The following METAP1D variants were observed in gnomAD, a reference collection of about 807,000 sequenced individuals.
METAP1D encodes methionyl aminopeptidase type 1D, mitochondrial, also known as methionine aminopeptidase 1D, mitochondrial.
METAP1D carries 31 observed loss-of-function variants against 40.5 expected under a neutral mutation model. The ratio of observed to expected loss-of-function variants is 0.77; its 90% confidence interval spans 0.58 to 1.03. The LOEUF is 1.03. Among genes scored for constraint, METAP1D ranks in the 50% least tolerant of loss-of-function variants. The pLI is 0.00. For missense variants in METAP1D, 411 were observed against 420.7 expected, an observed-to-expected ratio of 0.98 and a Z score of 0.20; for synonymous variants, 151 against 146.4, an observed-to-expected ratio of 1.03 and a Z score of -0.22.
intron 1 of METAP1D, among the ~76,000 whole-genome samples, chr2:172,016,815 G>A (rs1182590366): frequency 6.6e-6 from 1 of 151,784 alleles, no homozygotes; most frequent in African/African-American, 2.4e-5. Flanking sequence ...CTGTCCACTG[G>A]CCTGCCCCTC....
At position 172,041,726 on chromosome 2, in the gene METAP1D, T is replaced by TTTATATATATATATA. The variant is rs1273069042; in HGVS notation, c.41-19771_41-19770insTATATATATATATAT. On this transcript the variant is annotated intron_variant, in intron 1 of 9. Transcript: ENST00000315796. ...TTTTAATTTCCTTACTCTAATTATT[T>TTTATATATATATATA]TATATATATATATATATATATATAT... Among the ~76,000 whole-genome samples, 43 of 37,568 alleles carry TTTATATATATATATA rather than the reference T, an allele frequency of 1.1e-3. 3 individuals are homozygous for TTTATATATATATATA. Among genetic ancestry groups the TTTATATATATATATA allele is most frequent in the Non-Finnish European group, 2.2e-3 (35 of 15,592 alleles). 24.6% of individuals were successfully genotyped at this position (37,568 alleles called of 152,430 possible). A position where few individuals can be genotyped will look rare whatever the true frequency, so the allele number is the denominator to read the frequency against.
At position 172,061,479 on chromosome 2, in the gene METAP1D, T is replaced by A. The variant is rs772581122; in HGVS notation, c.41-19T>A. ...TTAGGTTGTTTTTTTACTTAAAATA[T>A]GTCTGTTTCTGCTCACAGGTTCTCA... On this transcript the variant is annotated intron_variant, in intron 1 of 9. Coordinates refer to ENST00000315796, the MANE Select transcript of METAP1D (RefSeq NM_199227.3). The A allele has an allele frequency of 2.5e-6, 4 of 1,600,118 alleles. No individual in the cohort carries two copies. Among genetic ancestry groups the A allele is most frequent in the Non-Finnish European group, 3.4e-6 (4 of 1,174,282 alleles).
chr2:172,018,188 A>G (rs1674640445), intron 1 of METAP1D, among the ~76,000 whole-genome samples: 1 of 151,568 alleles, frequency 6.6e-6, no homozygotes, highest in Non-Finnish European at 1.5e-5. Context: ...AAAATATGAC[A>G]CGTATAAGGG....
At chr2:172,068,016 C>T (rs1574140527) in intron 5 of METAP1D, among the ~76,000 whole-genome samples, 1 of 152,272 alleles carries the variant, frequency 6.6e-6, no homozygotes, top group East Asian at 1.9e-4. Flanking sequence ...TTCCTTCCCC[C>T]CTTTAAAACT....
intron 2 of METAP1D, among the ~76,000 whole-genome samples, chr2:172,062,565 C>T (rs572992470): frequency 1.2e-4 from 19 of 152,344 alleles, no homozygotes; most frequent in African/African-American, 4.3e-4. Context: ...CTTCTGCCTG[C>T]AAGTTATAAC....
intron 6 of METAP1D, among the ~76,000 whole-genome samples, chr2:172,071,909 T>A (rs974944322): frequency 1.6e-4 from 24 of 152,212 alleles, no homozygotes; most frequent in African/African-American, 5.5e-4. Flanking sequence ...CCTTTTTTTC[T>A]TCGTAAGCCT....
intron 1 of METAP1D, among the ~76,000 whole-genome samples, chr2:172,002,240 G>A (rs939915100): frequency 6.6e-6 from 1 of 151,822 alleles, no homozygotes; most frequent in Non-Finnish European, 1.5e-5. Flanking sequence ...ACATACATAG[G>A]TGTATGTATG....
At chr2:172,045,614 T>C (rs1379824316) in intron 1 of METAP1D, among the ~76,000 whole-genome samples, 2 of 142,848 alleles carry the variant, frequency 1.4e-5, no homozygotes, top group East Asian at 4.1e-4. Flanking sequence ...TGAGCCGAGA[T>C]TGTGCCATTG....
chr2:172,073,734 A>G (rs1444022756), intron 6 of METAP1D, among the ~76,000 whole-genome samples: 1 of 152,244 alleles, frequency 6.6e-6, no homozygotes, highest in African/African-American at 2.4e-5. Context: ...TTAGGGGAAT[A>G]AGTAAACAAA....
intron 1 of METAP1D, among the ~76,000 whole-genome samples, chr2:172,037,410 GA>G (rs1050968593): frequency 1.3e-5 from 2 of 150,188 alleles, no homozygotes; most frequent in African/African-American, 2.5e-5. Flanking sequence ...CTAGAGACCA[GA>G]AAAAAAAATA....
intron 1 of METAP1D, among the ~76,000 whole-genome samples, chr2:172,006,627 A>G (rs1310985047): frequency 1.3e-5 from 2 of 152,216 alleles, no homozygotes; most frequent in Non-Finnish European, 2.9e-5. Flanking sequence ...AACAACATCT[A>G]GTTTTAAGCT....
At chr2:172,005,546 CT>C (rs373606194) in intron 1 of METAP1D, among the ~76,000 whole-genome samples, 44 of 74,926 alleles carry the variant, frequency 5.9e-4, no homozygotes, top group African/African-American at 1.6e-3. Flanking sequence ...ATATATATAT[CT>C]TTTTTTTTTT....
intron 1 of METAP1D, among the ~76,000 whole-genome samples, chr2:172,028,611 A>T (rs572156606): frequency 6.8e-6 from 1 of 147,526 alleles, no homozygotes; most frequent in East Asian, 2.0e-4. Flanking sequence ...TAGTGGTAAC[A>T]TGCTGTGTAT....
chr2:172,070,448 A>G (rs192138999), intron 5 of METAP1D, among the ~76,000 whole-genome samples: 2 of 152,302 alleles, frequency 1.3e-5, no homozygotes, highest in Admixed American at 6.5e-5. Flanking sequence ...TTGTCATTAT[A>G]TATCACTTCA....
intron 1 of METAP1D, among the ~76,000 whole-genome samples, chr2:172,049,494 TC>T: frequency 1.3e-5 from 2 of 152,000 alleles, no homozygotes. Flanking sequence ...TCTATGGAGC[TC>T]CCCTTTTAAG....
Position 171,999,981 on chromosome 2 carries a change from C to T in METAP1D, c.12C>T (p.Pro4=). 1 of 1,352,554 alleles carries T rather than the reference C, an allele frequency of 7.4e-7. No homozygotes were observed. The highest frequency in any genetic ancestry group is 9.6e-7 in the Non-Finnish European group (1 of 1,045,674). 83.8% of individuals were successfully genotyped at this position (1,352,554 alleles called of 1,614,324 possible). MAA[P]SGVHLLVRRG... ...TGACCGACGCCAACATGGCGGCGCC[C>T]AGTGGCGTCCACCTGCTCGTCCGCA... The change falls in exon 1 of 10, where the codon CCC becomes CCT. Residue 4 remains proline, a synonymous_variant. Coordinates refer to ENST00000315796, the MANE Select transcript of METAP1D (RefSeq NM_199227.3).
At chr2:172,065,070 A>G (rs1310545206) in intron 3 of METAP1D, among the ~76,000 whole-genome samples, 1 of 152,238 alleles carries the variant, frequency 6.6e-6, no homozygotes, top group Non-Finnish European at 1.5e-5. Context: ...CTTAAAATCA[A>G]ATCTCTACAA....
At chr2:172,064,139 T>C in intron 3 of METAP1D, 1 of 261,772 alleles carries the variant, frequency 3.8e-6, no homozygotes, top group Non-Finnish European at 7.0e-6. Flanking sequence ...CCTATCCAAG[T>C]TGATCAATGG....
At chr2:172,013,906 C>T (rs1688788806) in intron 1 of METAP1D, among the ~76,000 whole-genome samples, 2 of 150,564 alleles carry the variant, frequency 1.3e-5, no homozygotes, top group African/African-American at 4.9e-5. Flanking sequence ...GGGCAACCTC[C>T]GCCTCCTGGG....
Sources: allele counts gnomAD v4.1 joint callset (sites outside exome capture counted in the v4.1 genomes callset), GRCh38; gene constraint gnomAD v4.1.1; transcripts MANE v1.5; gene names NCBI Gene and HGNC (gene_info 2026-07-23, HGNC 2026-07-21).